TMEM40: variants seen among roughly 807,000 people sequenced by gnomAD.
The protein encoded by TMEM40 is transmembrane protein 40.
In TMEM40, 34 loss-of-function variants were observed where a neutral mutation model predicts 40.8. The ratio of observed to expected loss-of-function variants is 0.83; its 90% CI spans 0.63 to 1.11. The LOEUF is 1.11. Among genes scored for constraint, TMEM40 ranks in the 50% least tolerant of loss-of-function variants. The pLI, the probability that TMEM40 is intolerant of heterozygous loss-of-function variation, is 0.00. For synonymous variants in TMEM40, 106 were observed against 107.0 expected, an observed-to-expected ratio of 0.99 and a Z score of 0.06; for missense variants, 296 against 280.2, an observed-to-expected ratio of 1.06 and a Z score of -0.40.
At chr3:12,769,384 AGCGAGGGCT>A (rs1559538374) in exon 1 of TMEM40, 5 of 213,606 alleles carry the variant, frequency 2.3e-5, no homozygotes, top group African/African-American at 7.1e-5. Context: ...ACCAAGAGCA[AGCGAGGGCT>A]GCGAGGGCTG....
At chr3:12,763,328 C>T (rs1335603217), upstream of TMEM40, among the ~76,000 whole-genome samples, 2 of 152,116 alleles carry the variant, frequency 1.3e-5, no homozygotes, top group East Asian at 3.9e-4. Flanking sequence ...TGTGTGTGTA[C>T]CTGGTACAGG....
At chr3:12,749,260 C>G (rs2061454434) in intron 2 of TMEM40, among the ~76,000 whole-genome samples, 1 of 152,188 alleles carries the variant, frequency 6.6e-6, no homozygotes, top group African/African-American at 2.4e-5. Context: ...TCCTGACCTT[C>G]TGATCTGCCC....
At chr3:12,767,157 C>T (rs145132439) in intron 1 of TMEM40, among the ~76,000 whole-genome samples, 6 of 152,322 alleles carry the variant, frequency 3.9e-5, no homozygotes, top group African/African-American at 1.2e-4. Flanking sequence ...GGTTAAGTAA[C>T]TTGCTTGAGG....
chr3:12,756,149 G>A (rs1465329616), intron 1 of TMEM40, among the ~76,000 whole-genome samples: 1 of 151,914 alleles, frequency 6.6e-6, no homozygotes, highest in East Asian at 1.9e-4. Context: ...CAATAATAAC[G>A]AGAAACAAAT....
At chr3:12,736,879 C>T in intron 8 of TMEM40, 44 bp from the exon 9 acceptor site, 3 of 1,613,216 alleles carry the variant, frequency 1.9e-6, no homozygotes, top group Non-Finnish European at 2.5e-6. Context: ...TGCTTTCTCT[C>T]TCTTTTTTTG....
At chr3:12,737,868 G>A in intron 7 of TMEM40, 114 bp from the exon 8 acceptor site, 2 of 1,139,644 alleles carry the variant, frequency 1.8e-6, no homozygotes, top group Non-Finnish European at 2.6e-6. Flanking sequence ...CTGGGTCAGA[G>A]GGCACTCACT....
rs2061319609 is a variant in TMEM40 at position 12,734,023 on chromosome 3, G to C, written c.*751C>G. The C allele has an allele frequency of 6.6e-6, 1 of 151,508 alleles. No individual in the cohort carries two copies. Among genetic ancestry groups the C allele is most frequent in the Non-Finnish European group, 1.5e-5 (1 of 68,060 alleles). 9.4% of individuals were successfully genotyped at this position (151,508 alleles called of 1,614,324 possible). A position where few individuals can be genotyped will look rare whatever the true frequency, so the allele number is the denominator to read the frequency against. On this transcript the variant is annotated 3_prime_UTR_variant, in exon 12 of 12. Transcript: ENST00000314124. ...GGGCTCAAGCAGTCCTCCTGCCTCA[G>C]CCTCTTGAGTAGCTGGAACCGCAGG...
chr3:12,754,905 T>C (rs980832938), intron 1 of TMEM40, among the ~76,000 whole-genome samples: 5 of 152,248 alleles, frequency 3.3e-5, no homozygotes, highest in East Asian at 1.9e-4. Flanking sequence ...ACCAGAGAAG[T>C]TGCCAACTTC....
intron 3 of TMEM40, among the ~76,000 whole-genome samples, chr3:12,746,892 C>T (rs574706039): frequency 1.3e-5 from 2 of 152,296 alleles, no homozygotes; most frequent in African/African-American, 4.8e-5. Context: ...GAGGACGGAA[C>T]ACTCCTTCCT....
At chr3:12,754,063 C>A (rs2061499415) in intron 1 of TMEM40, among the ~76,000 whole-genome samples, 1 of 152,174 alleles carries the variant, frequency 6.6e-6, no homozygotes, top group South Asian at 2.1e-4. Flanking sequence ...GTCATGGAGC[C>A]ACACGGGGCA....
chr3:12,737,963 C>T (rs985068633), intron 7 of TMEM40, 173 bp downstream of exon 7: 8 of 990,806 alleles, frequency 8.1e-6, no homozygotes, highest in Admixed American at 4.3e-5. Flanking sequence ...CCCGAGTCTG[C>T]CTTCCTTTCC....
chr3:12,743,953 C>G lies in TMEM40; in HGVS notation c.248G>C (p.Gly83Ala). 6.2e-7 allele frequency: 1 copy of G among 1,613,440 alleles called. No homozygotes were observed. The highest frequency in any genetic ancestry group is 8.5e-7 in the Non-Finnish European group (1 of 1,179,796). ...NDEDQQPRAT[G>A]KHRRSLGAGY... ...AGCCCCCAGGCTCCGTCGATGTTTT[C>G]CGGTTGCTCTGGGTTGCTGGTCCTC... Residue 83 changes from glycine to alanine, a missense_variant, in exon 4 of 12, where the codon GGA (glycine) becomes GCA (alanine). Gly to Ala is a moderately conservative substitution (Grantham distance 60). Transcript: ENST00000314124.
intron 1 of TMEM40, among the ~76,000 whole-genome samples, chr3:12,757,745 C>T (rs890515395): frequency 7.2e-5 from 11 of 152,160 alleles, no homozygotes; most frequent in South Asian, 4.1e-4. Context: ...CTAGTATATT[C>T]GCAAGAGAAT....
intron 1 of TMEM40, among the ~76,000 whole-genome samples, chr3:12,751,963 T>C (rs115041176): frequency 0.021 from 3,123 of 152,248 alleles, 101 homozygotes; most frequent in African/African-American, 0.069. Context: ...TTTCCTAATG[T>C]CAAAATTGCA....
At chr3:12,760,223 T>G (rs2061559605), upstream of TMEM40, among the ~76,000 whole-genome samples, 1 of 152,120 alleles carries the variant, frequency 6.6e-6, no homozygotes, top group Admixed American at 6.6e-5. Context: ...CGCCCCTGGC[T>G]ATTCTCATCA....
upstream of TMEM40, among the ~76,000 whole-genome samples, chr3:12,763,846 T>C (rs1411903177): frequency 2.6e-5 from 4 of 152,100 alleles, no homozygotes; most frequent in Admixed American, 6.6e-5. Flanking sequence ...CCTGTAGGTG[T>C]ATGGAGAAAA....
intron 1 of TMEM40, among the ~76,000 whole-genome samples, chr3:12,766,754 G>C (rs1368457573): frequency 6.6e-6 from 1 of 152,190 alleles, no homozygotes; most frequent in Non-Finnish European, 1.5e-5. Flanking sequence ...CAGCTGGACA[G>C]GCATTCTTGA....
Position 12,736,793 on chromosome 3 carries a change from G to A in TMEM40, c.515C>T (p.Ala172Val), listed in dbSNP as rs1450480545. ...HFVLLCFAIG[A>V]LLVCYHYYAD... ...GTAATAGTGATAACACACCAGCAAG[G>A]CCCCGATGGCAAAGCACAGGAGGAC... is the stretch of plus-strand genomic sequence containing the variant. The change falls in exon 9 of 12, where the codon GCC (alanine) becomes GTC (valine). Residue 172 changes from alanine (A) to valine (V), a missense_variant. Physicochemically the swap from Ala to Val is moderately conservative, Grantham distance 64. Coordinates refer to ENST00000314124, the MANE Select transcript of TMEM40 (RefSeq NM_018306.4). The A allele has an allele frequency of 6.2e-7, 1 of 1,614,012 alleles. No homozygotes were observed. The highest frequency in any genetic ancestry group is 8.5e-7 in the Non-Finnish European group (1 of 1,180,026).
At position 12,738,145 on chromosome 3, in the gene TMEM40, G is replaced by T; in HGVS notation, c.415C>A (p.Pro139Thr). The change falls in exon 7 of 12, where the codon CCA becomes ACA. Residue 139 changes from proline (P) to threonine (T), a missense_variant. Pro to Thr is a conservative substitution (Grantham distance 38, BLOSUM62 -1). Coordinates refer to ENST00000314124, the MANE Select transcript of TMEM40 (RefSeq NM_018306.4). ...ESGLRRRGSD[P>T]ASGEVEASQL... ...GAGCTTGTGTATTTACCACTTGCTG[G>T]GTCAGAGCCTCTCCTTCGGAGTCCT... 3 of 1,613,976 alleles carry T rather than the reference G, an allele frequency of 1.9e-6. No individual in the cohort carries two copies. The highest frequency in any genetic ancestry group is 2.2e-5 in the East Asian group (1 of 44,890).
Sources: gnomAD v4.1 joint callset for allele counts (sites outside exome capture counted in the v4.1 genomes callset) on GRCh38, gnomAD v4.1.1 for gene constraint, MANE v1.5 for transcripts, NCBI Gene and HGNC (gene_info 2026-07-23, HGNC 2026-07-21) for gene names.